RBFOX1: variants seen among roughly 807,000 people sequenced by gnomAD.
The protein encoded by RBFOX1 is RNA binding protein fox-1 homolog 1.
In RBFOX1, 8 loss-of-function variants were observed where a neutral mutation model predicts 57.7. The observed-to-expected ratio is 0.14, with a 90% confidence interval of 0.08 to 0.25. RBFOX1 has a LOEUF of 0.25. Ranked by LOEUF, RBFOX1 falls within the 10% of genes least tolerant of loss-of-function variation. RBFOX1 has a pLI of 1.00. For synonymous variants in RBFOX1, 326 were observed against 222.4 expected (o/e 1.47, Z -4.15); for missense variants, 611 against 548.5 (o/e 1.11, Z -1.14).
chr16:6,918,196 C>T (rs549020748), intron 3 of RBFOX1, among the ~76,000 whole-genome samples: 1 of 151,660 alleles, frequency 6.6e-6, no homozygotes. Flanking sequence ...GCAGGAGAAT[C>T]ACTTGAACCT....
intron 2 of RBFOX1, among the ~76,000 whole-genome samples, chr16:5,550,842 C>A (rs147887208): frequency 1.3e-5 from 2 of 152,180 alleles, no homozygotes; most frequent in African/African-American, 4.8e-5. Flanking sequence ...GAAAGGACAT[C>A]TTTATACCAG....
intron 2 of RBFOX1, among the ~76,000 whole-genome samples, chr16:6,423,879 A>T (rs2093845437): frequency 6.6e-6 from 1 of 152,142 alleles, no homozygotes; most frequent in African/African-American, 2.4e-5. Flanking sequence ...TAACACACAG[A>T]GGGCGGGGAG....
intron 10 of RBFOX1, among the ~76,000 whole-genome samples, chr16:7,628,733 C>A (rs1490046645): frequency 1.3e-5 from 2 of 152,058 alleles, no homozygotes; most frequent in Non-Finnish European, 2.9e-5. Flanking sequence ...CTGCCTCAGT[C>A]TCCTGAGTAG....
chr16:5,868,836 C>T (rs943100234), intron 4 of RBFOX1, among the ~76,000 whole-genome samples: 5 of 152,126 alleles, frequency 3.3e-5, no homozygotes, highest in African/African-American at 7.2e-5. Context: ...ATGAGGCTGT[C>T]GAGAGCATTA....
At chr16:6,235,091 T>C (rs924657343) in intron 1 of RBFOX1, among the ~76,000 whole-genome samples, 7 of 152,166 alleles carry the variant, frequency 4.6e-5, no homozygotes, top group African/African-American at 1.4e-4. Context: ...GAATATAATT[T>C]GCTCCTTACA....
At chr16:7,262,620 C>G (rs963538097) in intron 4 of RBFOX1, among the ~76,000 whole-genome samples, 7 of 152,264 alleles carry the variant, frequency 4.6e-5, no homozygotes, top group African/African-American at 1.7e-4. Flanking sequence ...GTCTCTGGCT[C>G]ATCTCTGCAG....
intron 3 of RBFOX1, among the ~76,000 whole-genome samples, chr16:5,740,571 G>A (rs575264837): frequency 6.6e-6 from 1 of 152,338 alleles, no homozygotes; most frequent in African/African-American, 2.4e-5. Flanking sequence ...AAGGGAATCT[G>A]TCAAGTCATG....
chr16:6,350,958 C>T lies in RBFOX1; in HGVS notation c.-64+33901C>T, dbSNP rs562167024. On this transcript the variant is annotated intron_variant, in intron 2 of 15. Coordinates refer to ENST00000550418, the MANE Select transcript of RBFOX1 (RefSeq NM_018723.4). Reference sequence around the variant, plus strand: ...GGCACCTGGTCCTCACCACGAAATGCCTGAAATGAAGACCACAGGCAGTGG... The same window carrying T: ...GGCACCTGGTCCTCACCACGAAATGTCTGAAATGAAGACCACAGGCAGTGG... 3.3e-5 allele frequency among the ~76,000 whole-genome samples: 5 copies of T among 152,268 alleles called. No individual in the cohort carries two copies. In the East Asian group the frequency reaches 5.8e-4, roughly 18 times the overall value.
chr16:7,233,770 G>A (rs1248869399), intron 4 of RBFOX1, among the ~76,000 whole-genome samples: 1 of 152,128 alleles, frequency 6.6e-6, no homozygotes, highest in Non-Finnish European at 1.5e-5. Context: ...TTTATTAAAT[G>A]GCAGTTTTCT....
rs34849467 is a variant in RBFOX1, at chr16:6,619,687, CTTT to C, written c.-63-34897_-63-34895del. 4.8e-3 allele frequency among the ~76,000 whole-genome samples: 569 copies of C among 117,924 alleles called. 7 individuals are homozygous for C. Among genetic ancestry groups the C allele is most frequent in the East Asian group, 0.038 (155 of 4,072 alleles). The allele number at this position is 117,924 out of a possible 152,430, so 77.4% of individuals were successfully genotyped here. ...AACTGCTTTCATCTTTGTTGGTTTC[CTTT>C]TTTTTTTTTTTTTTTTTTAATAACT... On this transcript the variant is annotated intron_variant, in intron 2 of 15. Transcript: ENST00000550418.
At chr16:6,651,758 C>T (rs543395538) in intron 2 of RBFOX1, among the ~76,000 whole-genome samples, 44 of 152,278 alleles carry the variant, frequency 2.9e-4, no homozygotes, top group Non-Finnish European at 6.2e-4. Flanking sequence ...CGTACACACC[C>T]GTGTTCATAG....
intron 4 of RBFOX1, among the ~76,000 whole-genome samples, chr16:7,084,632 T>C (rs919704875): frequency 1.3e-5 from 2 of 152,202 alleles, no homozygotes; most frequent in African/African-American, 2.4e-5. Context: ...GATACATTTC[T>C]TCAAATTGAG....
chr16:7,401,056 G>T (rs973182097), intron 4 of RBFOX1, among the ~76,000 whole-genome samples: 13 of 152,192 alleles, frequency 8.5e-5, no homozygotes, highest in Non-Finnish European at 5.9e-5. Context: ...TCGAGAGGGG[G>T]TATCCAAAAT....
At chr16:7,228,156 G>A (rs2093270132) in intron 4 of RBFOX1, among the ~76,000 whole-genome samples, 2 of 152,086 alleles carry the variant, frequency 1.3e-5, no homozygotes, top group South Asian at 2.1e-4. Flanking sequence ...TAAGTTCCGC[G>A]AGAGCAGGCA....
Position 7,043,994 on chromosome 16 carries a change from G to C in RBFOX1, c.-15-8063G>C, listed in dbSNP as rs145845810. Reference sequence around the variant, plus strand: ...CAAGACAAGTTGGGCCACCTCCTATGCACTGCAAGCACCTCTTACACTTTC... The same window carrying C: ...CAAGACAAGTTGGGCCACCTCCTATCCACTGCAAGCACCTCTTACACTTTC... On this transcript the variant is annotated intron_variant, in intron 3 of 15. Coordinates refer to ENST00000550418, the MANE Select transcript of RBFOX1 (RefSeq NM_018723.4). 7.9e-5 allele frequency among the ~76,000 whole-genome samples: 12 copies of C among 152,216 alleles called. No homozygotes were observed. In the East Asian group the frequency reaches 2.3e-3, roughly 29 times the overall value.
chr16:7,346,351 G>C (rs1258815654), intron 4 of RBFOX1, among the ~76,000 whole-genome samples: 1 of 151,846 alleles, frequency 6.6e-6, no homozygotes, highest in Non-Finnish European at 1.5e-5. Context: ...TTCTACCCAA[G>C]AGGGCAGTGT....
At chr16:5,811,211 C>T (rs537318546) in intron 3 of RBFOX1, among the ~76,000 whole-genome samples, 3 of 135,374 alleles carry the variant, frequency 2.2e-5, no homozygotes, top group East Asian at 2.2e-4. Flanking sequence ...GGTGCGATCT[C>T]GGCTCACTGC....
chr16:7,313,047 A>T (rs2096354700), intron 4 of RBFOX1, among the ~76,000 whole-genome samples: 1 of 152,030 alleles, frequency 6.6e-6, no homozygotes. Flanking sequence ...CGTGTTCCCC[A>T]CTGCTGCTCT....
At chr16:7,165,057 T>G (rs2152414022) in intron 4 of RBFOX1, among the ~76,000 whole-genome samples, 1 of 152,318 alleles carries the variant, frequency 6.6e-6, no homozygotes, top group Non-Finnish European at 1.5e-5. Context: ...AAAGGAGAGC[T>G]ACTATTCCAA....
Sources: gnomAD v4.1 joint callset for allele counts (sites outside exome capture counted in the v4.1 genomes callset) on GRCh38, gnomAD v4.1.1 for gene constraint, MANE v1.5 for transcripts, NCBI Gene and HGNC (gene_info 2026-07-23, HGNC 2026-07-21) for gene names.